ARHGEF10L: variants seen among roughly 807,000 people sequenced by gnomAD.
ARHGEF10L encodes rho guanine nucleotide exchange factor 10-like protein.
ARHGEF10L carries 69 observed loss-of-function variants against 141.2 expected under a neutral mutation model. The observed-to-expected ratio is 0.49, with a 90% CI of 0.40 to 0.60. The LOEUF is 0.60. Among genes scored for constraint, ARHGEF10L ranks in the 20% least tolerant of loss-of-function variants. The pLI, the probability that ARHGEF10L is intolerant of heterozygous loss-of-function variation, is 0.00. For missense variants in ARHGEF10L, 1,482 were observed against 1,734.3 expected, an observed-to-expected ratio of 0.85 and a Z score of 2.58; for synonymous variants, 711 against 718.5, an observed-to-expected ratio of 0.99 and a Z score of 0.17.
chr1:17,528,385 A>C, the ARHGEF10L span, among the ~76,000 whole-genome samples: 3 of 151,628 alleles, frequency 2.0e-5, no homozygotes, highest in Non-Finnish European at 4.4e-5. Flanking sequence ...TGTATAATTT[A>C]TTTTTACTTT....
At chr1:17,691,955 G>C (rs889574019) in intron 27 of ARHGEF10L, among the ~76,000 whole-genome samples, 8 of 152,156 alleles carry the variant, frequency 5.3e-5, no homozygotes, top group Admixed American at 5.2e-4. Flanking sequence ...ATAAGTCACT[G>C]CCCTCACAAA....
chr1:17,565,261 C>T (rs1465277883), intron 1 of ARHGEF10L, among the ~76,000 whole-genome samples: 1 of 152,214 alleles, frequency 6.6e-6, no homozygotes, highest in Non-Finnish European at 1.5e-5. Context: ...ACTGCCTAAT[C>T]CATCACCTTG....
chr1:17,693,129 A>G (rs2065227635), intron 27 of ARHGEF10L, among the ~76,000 whole-genome samples: 2 of 152,186 alleles, frequency 1.3e-5, no homozygotes, highest in African/African-American at 2.4e-5. Flanking sequence ...CTCTGTGTCT[A>G]ATACAGTAGC....
rs891340300 is a variant in ARHGEF10L at position 17,622,636 on chromosome 1, C to T, written c.1021-360C>T. Among the ~76,000 whole-genome samples the T allele has an allele frequency of 5.3e-5, 8 of 152,230 alleles. No homozygotes were observed. In the East Asian group the frequency reaches 9.7e-4, roughly 18 times the overall value. On this transcript the variant is annotated intron_variant, in intron 11 of 28. Coordinates refer to ENST00000361221, the MANE Select transcript of ARHGEF10L (RefSeq NM_018125.4). ...TCTGACAAAGCTAATTGGAGAGTGA[C>T]GCGGGGTGTGGGAGCCAAGGGAGCT...
At position 17,673,686 on chromosome 1, in the gene ARHGEF10L, C is replaced by A. The variant is rs2063470406; in HGVS notation, c.3009+9091C>A. ...AGGCATTCCCGGCTGCCCCTGCATG[C>A]CTTGTCTGAGTGGGCTTGGATGGTG... On this transcript the variant is annotated intron_variant, in intron 26 of 28. Transcript: ENST00000361221. The surrounding 1 kb of genome is among the most constrained non-coding windows in gnomAD (Gnocchi z 4.1). 6.6e-6 allele frequency among the ~76,000 whole-genome samples: 1 copy of A among 152,176 alleles called. No homozygotes were observed. The highest frequency in any genetic ancestry group is 2.4e-5 in the African/African-American group (1 of 41,422).
At chr1:17,522,848 G>C in the ARHGEF10L span, among the ~76,000 whole-genome samples, 3 of 152,012 alleles carry the variant, frequency 2.0e-5, no homozygotes, top group Admixed American at 6.6e-5. Flanking sequence ...TTCCTCTCCA[G>C]GGCAGTCATG....
the ARHGEF10L span, among the ~76,000 whole-genome samples, chr1:17,523,821 G>T: frequency 6.6e-6 from 1 of 152,188 alleles, no homozygotes; most frequent in East Asian, 1.9e-4. Flanking sequence ...GAGTGCAGGG[G>T]CTGGTGATTT....
At chr1:17,553,600 A>C (rs780782842) in intron 1 of ARHGEF10L, among the ~76,000 whole-genome samples, 1 of 151,952 alleles carries the variant, frequency 6.6e-6, no homozygotes, top group Non-Finnish European at 1.5e-5. Context: ...TGGGCAACAT[A>C]GTGAGACCCC....
intron 25 of ARHGEF10L, among the ~76,000 whole-genome samples, chr1:17,658,847 T>G (rs1004704927): frequency 1.3e-5 from 2 of 152,030 alleles, no homozygotes; most frequent in Non-Finnish European, 2.9e-5. Context: ...AAGGCCTCCC[T>G]GAGGAGGGGG....
chr1:17,518,097 G>C, the ARHGEF10L span, among the ~76,000 whole-genome samples: 2 of 152,224 alleles, frequency 1.3e-5, no homozygotes, highest in African/African-American at 4.8e-5. Context: ...TGTCTCCAGA[G>C]TACCTATGGA....
At chr1:17,539,130 C>A (rs2076627647), upstream of ARHGEF10L, among the ~76,000 whole-genome samples, 1 of 151,870 alleles carries the variant, frequency 6.6e-6, no homozygotes, top group Admixed American at 6.6e-5. This position sits in a 1 kb window ranked among gnomAD's most constrained non-coding sequence, Gnocchi z 6.0. Context: ...GGGGTGTTGC[C>A]GGTCTCAAAG....
intron 1 of ARHGEF10L, among the ~76,000 whole-genome samples, chr1:17,544,982 C>T (rs1007348042): frequency 2.6e-5 from 4 of 152,078 alleles, no homozygotes; most frequent in Non-Finnish European, 5.9e-5. Flanking sequence ...GAAAACCTGC[C>T]CCTGTGATTC....
intron 1 of ARHGEF10L, among the ~76,000 whole-genome samples, chr1:17,561,467 A>G (rs375051215): frequency 1.3e-5 from 2 of 152,174 alleles, no homozygotes; most frequent in South Asian, 2.1e-4. Context: ...GGCAGCCCCA[A>G]TGAGCCCTCT....
intron 25 of ARHGEF10L, among the ~76,000 whole-genome samples, chr1:17,663,300 C>G (rs900790137): frequency 3.9e-5 from 6 of 152,054 alleles, no homozygotes; most frequent in African/African-American, 1.5e-4. Flanking sequence ...GCCTGTAATC[C>G]CAGAACTTTG....
At chr1:17,689,053 C>A (rs895946363) in intron 27 of ARHGEF10L, among the ~76,000 whole-genome samples, 1 of 152,082 alleles carries the variant, frequency 6.6e-6, no homozygotes, top group African/African-American at 2.4e-5. Context: ...GGGGATTATC[C>A]CCACATTACA....
intron 1 of ARHGEF10L, among the ~76,000 whole-genome samples, chr1:17,576,013 C>T (rs1017246152): frequency 6.6e-6 from 1 of 152,172 alleles, no homozygotes; most frequent in African/African-American, 2.4e-5. Flanking sequence ...TGCTGCTTCC[C>T]CCGCTTCTGC....
chr1:17,637,414 G>A (rs962000566), intron 18 of ARHGEF10L, among the ~76,000 whole-genome samples: 2 of 152,174 alleles, frequency 1.3e-5, no homozygotes, highest in African/African-American at 4.8e-5. Flanking sequence ...GATCTCAGGT[G>A]TTAGACTTTA....
At chr1:17,547,094 C>A (rs2076944789) in intron 1 of ARHGEF10L, among the ~76,000 whole-genome samples, 1 of 152,124 alleles carries the variant, frequency 6.6e-6, no homozygotes, top group Non-Finnish European at 1.5e-5. Flanking sequence ...CCTTTGACAG[C>A]CCCTAGCAGC....
chr1:17,587,002 ATGCTGC>A (rs1253650730), intron 2 of ARHGEF10L, among the ~76,000 whole-genome samples: 5 of 152,132 alleles, frequency 3.3e-5, no homozygotes. Flanking sequence ...GCTGTGTTTC[ATGCTGC>A]TGCACATACC....
Sources: allele counts gnomAD v4.1 joint callset (sites outside exome capture counted in the v4.1 genomes callset), GRCh38; gene constraint gnomAD v4.1.1; non-coding constraint Gnocchi (gnomAD v3.1); transcripts MANE v1.5; gene names NCBI Gene and HGNC (gene_info 2026-07-23, HGNC 2026-07-21).